Variants in MAGI2 observed in about 807,000 individuals in gnomAD.
The protein encoded by MAGI2 is membrane-associated guanylate kinase, WW and PDZ domain-containing protein 2.
In MAGI2, 35 loss-of-function variants were observed where a neutral mutation model predicts 133.3. That is an observed-to-expected ratio of 0.26 (90% CI 0.20 to 0.35). The LOEUF (loss-of-function observed/expected upper bound fraction) is 0.35. MAGI2 is among the 10% of genes least tolerant of loss of function. The pLI is 1.00. For missense variants in MAGI2, 1,636 were observed against 1,863.4 expected, an observed-to-expected ratio of 0.88 and a Z score of 2.25; for synonymous variants, 729 against 710.6, an observed-to-expected ratio of 1.03 and a Z score of -0.41.
At chr7:78,695,263 GA>G (rs1460252210) in intron 2 of MAGI2, among the ~76,000 whole-genome samples, 5 of 152,118 alleles carry the variant, frequency 3.3e-5, no homozygotes, top group African/African-American at 9.7e-5. Context: ...AATGTCTCCT[GA>G]ATTGTTCATA....
chr7:79,247,399 G>A (rs1832903277), intron 1 of MAGI2, among the ~76,000 whole-genome samples: 1 of 152,144 alleles, frequency 6.6e-6, no homozygotes, highest in Admixed American at 6.6e-5. Context: ...AGGACCGCTT[G>A]AGCCTAGGAA....
At chr7:78,400,587 T>G (rs983072122) in intron 6 of MAGI2, among the ~76,000 whole-genome samples, 1 of 152,160 alleles carries the variant, frequency 6.6e-6, no homozygotes, top group African/African-American at 2.4e-5. Context: ...GACAATCAGG[T>G]TCATGAAAGT....
chr7:78,833,943 C>T (rs1026526358), intron 2 of MAGI2, among the ~76,000 whole-genome samples: 10 of 152,132 alleles, frequency 6.6e-5, no homozygotes, highest in African/African-American at 2.4e-4. Flanking sequence ...TTTTTCTATA[C>T]TCCATAGCCA....
chr7:78,394,068 C>A (rs1438649852), intron 6 of MAGI2, among the ~76,000 whole-genome samples: 3 of 151,994 alleles, frequency 2.0e-5, no homozygotes, highest in African/African-American at 7.3e-5. Context: ...AACTCCCATC[C>A]CAAGGCCAAA....
intron 21 of MAGI2, among the ~76,000 whole-genome samples, chr7:78,037,755 G>T (rs1281183688): frequency 1.3e-5 from 2 of 152,222 alleles, no homozygotes; most frequent in African/African-American, 4.8e-5. Flanking sequence ...CCTGCAGAGA[G>T]TGTCAGTGCA....
At chr7:78,729,283 T>C (rs1027878425) in intron 2 of MAGI2, among the ~76,000 whole-genome samples, 1 of 152,216 alleles carries the variant, frequency 6.6e-6, no homozygotes, top group Non-Finnish European at 1.5e-5. Context: ...AAAACTGGCA[T>C]ATAATATGAT....
At chr7:79,415,039 G>A (rs1846405383) in intron 1 of MAGI2, 1 of 152,124 alleles carries the variant, frequency 6.6e-6, no homozygotes, top group Admixed American at 6.6e-5. Flanking sequence ...CAAGGACATG[G>A]GCTGTGTCTT....
At chr7:78,556,375 A>C (rs1364759749) in intron 3 of MAGI2, among the ~76,000 whole-genome samples, 1 of 152,224 alleles carries the variant, frequency 6.6e-6, no homozygotes, top group African/African-American at 2.4e-5. Context: ...AAGTGTGTGA[A>C]GTCTCCTGTT....
intron 2 of MAGI2, among the ~76,000 whole-genome samples, chr7:78,880,298 GA>G (rs1308426409): frequency 6.6e-6 from 1 of 152,038 alleles, no homozygotes; most frequent in Admixed American, 6.6e-5. Context: ...CAGCACGGAA[GA>G]AAAAAATCTT....
chr7:79,241,060 A>G (rs559851300), intron 1 of MAGI2, among the ~76,000 whole-genome samples: 4 of 152,126 alleles, frequency 2.6e-5, no homozygotes, highest in Non-Finnish European at 5.9e-5. Flanking sequence ...ATCAGTTTTC[A>G]TAACTTAAAA....
intron 3 of MAGI2, among the ~76,000 whole-genome samples, chr7:78,595,933 A>C (rs532328379): frequency 3.9e-5 from 6 of 152,306 alleles, no homozygotes; most frequent in Non-Finnish European, 7.4e-5. Flanking sequence ...TGTCTTTGTA[A>C]TTCAGCTCTC....
At chr7:78,404,361 G>C (rs552248741) in intron 6 of MAGI2, among the ~76,000 whole-genome samples, 1 of 152,232 alleles carries the variant, frequency 6.6e-6, no homozygotes, top group East Asian at 1.9e-4. Flanking sequence ...GCATTGCCAA[G>C]TCAATCCTAA....
At chr7:78,046,397 G>A (rs1176871458) in intron 21 of MAGI2, among the ~76,000 whole-genome samples, 1 of 138,618 alleles carries the variant, frequency 7.2e-6, no homozygotes, top group East Asian at 2.1e-4. Context: ...GCGAGACTCT[G>A]TCTCAAAAAA....
In MAGI2 at chr7:78,787,710, C is replaced by A. The variant is rs575041746; in HGVS notation, c.419-160471G>T. ...TTAGTAAGAATTAGCTTTGTGTAAG[C>A]ATAAAAACAGATTTTAAACTCTCAC... On this transcript the variant is annotated intron_variant, in intron 2 of 21. Coordinates refer to ENST00000354212, the MANE Select transcript of MAGI2 (RefSeq NM_012301.4). Among the ~76,000 whole-genome samples, 11 of 152,194 alleles carry A rather than the reference C, an allele frequency of 7.2e-5. No homozygotes were observed. In the South Asian group the frequency reaches 1.5e-3, roughly 20 times the overall value.
At chr7:78,288,261 A>T (rs938452869) in intron 9 of MAGI2, among the ~76,000 whole-genome samples, 1 of 152,214 alleles carries the variant, frequency 6.6e-6, no homozygotes, top group Non-Finnish European at 1.5e-5. Context: ...ACAATGTAAT[A>T]ATAAGCTACA....
chr7:78,430,584 A>T (rs1225166312), intron 6 of MAGI2, among the ~76,000 whole-genome samples: 1 of 152,058 alleles, frequency 6.6e-6, no homozygotes, highest in Non-Finnish European at 1.5e-5. Flanking sequence ...CTCATATTTG[A>T]TGAAAGTAAT....
At chr7:78,079,195 T>A in intron 20 of MAGI2, 110 bp from the exon 21 acceptor site, 1 of 1,045,486 alleles carries the variant, frequency 9.6e-7, no homozygotes, top group Non-Finnish European at 1.4e-6. Flanking sequence ...TCCGAACAAT[T>A]TGGTGGCAGC....
intron 21 of MAGI2, among the ~76,000 whole-genome samples, chr7:78,027,833 T>C (rs2151052106): frequency 6.6e-6 from 1 of 152,298 alleles, no homozygotes; most frequent in East Asian, 1.9e-4. Flanking sequence ...CTTTTACTGC[T>C]CAAATGACTA....
intron 1 of MAGI2, among the ~76,000 whole-genome samples, chr7:79,134,789 G>A (rs1346794907): frequency 1.3e-5 from 2 of 152,172 alleles, no homozygotes; most frequent in Non-Finnish European, 2.9e-5. Flanking sequence ...CAAGTATGAA[G>A]GAATGTTTGT....
Sources: gnomAD v4.1 joint callset for allele counts (sites outside exome capture counted in the v4.1 genomes callset) on GRCh38, gnomAD v4.1.1 for gene constraint, MANE v1.5 for transcripts, NCBI Gene and HGNC (gene_info 2026-07-23, HGNC 2026-07-21) for gene names.